PCDHA11: variants seen among roughly 807,000 people sequenced by gnomAD.
PCDHA11 encodes protocadherin alpha 11.
A neutral mutation model predicts 70.3 loss-of-function variants in PCDHA11; 61 were observed. The ratio of observed to expected loss-of-function variants is 0.87; its 90% CI spans 0.71 to 1.07. The LOEUF (loss-of-function observed/expected upper bound fraction) is 1.07, where lower values mean the gene tolerates loss of function less well. PCDHA11 is among the 50% of genes least tolerant of loss of function. The pLI is 0.00. For synonymous variants in PCDHA11, 633 were observed against 555.1 expected (o/e 1.14, Z -1.97); for missense variants, 1,324 against 1,237.5 (o/e 1.07, Z -1.05).
chr5:140,891,970 C>G (rs1554185021), intron 1 of PCDHA11, among the ~76,000 whole-genome samples: 1 of 152,170 alleles, frequency 6.6e-6, no homozygotes, highest in East Asian at 1.9e-4. Flanking sequence ...AGTAAATTTC[C>G]GTTCTCATAA....
intron 1 of PCDHA11, among the ~76,000 whole-genome samples, chr5:140,974,825 A>G (rs2096642596): frequency 6.6e-6 from 1 of 152,198 alleles, no homozygotes; most frequent in Admixed American, 6.5e-5. Flanking sequence ...ATGCAACATA[A>G]TGATTATTTT....
At chr5:140,972,909 G>T (rs999939821) in intron 1 of PCDHA11, among the ~76,000 whole-genome samples, 18 of 151,942 alleles carry the variant, frequency 1.2e-4, no homozygotes, top group African/African-American at 4.4e-4. Flanking sequence ...TGATCCACCC[G>T]CCTTGGCCTC....
intron 1 of PCDHA11, chr5:140,926,299 C>G (rs547710989): frequency 3.9e-5 from 6 of 152,464 alleles, no homozygotes; most frequent in Admixed American, 3.9e-4. Context: ...GAGTCCCGCC[C>G]TCTCCGCCGG....
At chr5:140,876,607 T>G (rs1480667665) in intron 1 of PCDHA11, 7 of 1,614,068 alleles carry the variant, frequency 4.3e-6, no homozygotes, top group Non-Finnish European at 5.9e-6. Flanking sequence ...GGATCGTGAC[T>G]CTGGAGCCAA....
chr5:140,923,461 A>G (rs530510417), intron 1 of PCDHA11, among the ~76,000 whole-genome samples: 97 of 152,204 alleles, frequency 6.4e-4, no homozygotes, highest in African/African-American at 2.2e-3. Context: ...CCAGAGAGGT[A>G]GGGGCTGCAG....
At chr5:140,941,760 T>A (rs1343959883) in intron 1 of PCDHA11, among the ~76,000 whole-genome samples, 2 of 152,234 alleles carry the variant, frequency 1.3e-5, no homozygotes, top group Non-Finnish European at 1.5e-5. Flanking sequence ...TCAGTGCTTT[T>A]AAGATAATTG....
At chr5:140,872,005 G>A (rs961415529) in intron 1 of PCDHA11, among the ~76,000 whole-genome samples, 3 of 152,200 alleles carry the variant, frequency 2.0e-5, no homozygotes, top group Admixed American at 1.3e-4. Context: ...CTATTTACAG[G>A]TGACCTGTAG....
At chr5:140,880,812 G>C (rs782505360) in intron 1 of PCDHA11, among the ~76,000 whole-genome samples, 2 of 152,200 alleles carry the variant, frequency 1.3e-5, no homozygotes, top group Non-Finnish European at 2.9e-5. Flanking sequence ...AATGACTCTA[G>C]AGTGTCTGGA....
At chr5:140,945,034 C>T (rs1218648203) in intron 1 of PCDHA11, among the ~76,000 whole-genome samples, 1 of 152,066 alleles carries the variant, frequency 6.6e-6, no homozygotes, top group East Asian at 1.9e-4. Flanking sequence ...ACATAATTAT[C>T]TTTGGTCTTA....
rs782295059 is a variant in PCDHA11 at position 140,883,240 on chromosome 5, C to A, written c.2391+11746C>A. The A allele has an allele frequency of 3.7e-6, 6 of 1,613,998 alleles. No homozygotes were observed. The Admixed American group carries it at 1.0e-4, about 27-fold the overall frequency. ...ATGAAATATCCGTGGAGGCAGTTGA[C>A]AAAGGAAATATTCCAATGGCGGGTC... On this transcript the variant is annotated intron_variant, in intron 1 of 3. Coordinates refer to ENST00000398640, the MANE Select transcript of PCDHA11 (RefSeq NM_018902.5).
At chr5:140,888,426 C>G (rs1315110358) in intron 1 of PCDHA11, among the ~76,000 whole-genome samples, 1 of 152,168 alleles carries the variant, frequency 6.6e-6, no homozygotes, top group Non-Finnish European at 1.5e-5. Flanking sequence ...CTACCGTGCA[C>G]AGGACAGCCG....
intron 1 of PCDHA11, chr5:140,968,059 G>A (rs1554230273): frequency 6.2e-7 from 1 of 1,614,106 alleles, no homozygotes; most frequent in South Asian, 1.1e-5. Context: ...ACCGAGAGCG[G>A]GTGGCTGTCT....
chr5:140,994,263 C>G (rs1329526022), intron 3 of PCDHA11, among the ~76,000 whole-genome samples: 1 of 152,160 alleles, frequency 6.6e-6, no homozygotes, highest in African/African-American at 2.4e-5. Flanking sequence ...ATAAGGTAAG[C>G]TAGGCTGCCT....
At chr5:140,882,424 G>C in intron 1 of PCDHA11, 1 of 1,614,114 alleles carries the variant, frequency 6.2e-7, no homozygotes, top group Non-Finnish European at 8.5e-7. Context: ...CTCAGGACCT[G>C]GGGCTGGAGC....
intron 1 of PCDHA11, among the ~76,000 whole-genome samples, chr5:140,901,586 T>C (rs550614771): frequency 9.2e-5 from 14 of 152,348 alleles, no homozygotes; most frequent in African/African-American, 3.4e-4. Context: ...AGTGCCATGA[T>C]GTTTTGGTTA....
chr5:140,934,915 A>G (rs1324840546), intron 1 of PCDHA11, among the ~76,000 whole-genome samples: 3 of 152,132 alleles, frequency 2.0e-5, no homozygotes, highest in Non-Finnish European at 4.4e-5. Context: ...ATAATTATGG[A>G]TTCACATAAA....
chr5:140,926,683 C>A, intron 1 of PCDHA11: 3 of 669,314 alleles, frequency 4.5e-6, no homozygotes, highest in Non-Finnish European at 6.7e-6. Context: ...AGCCTCCAGC[C>A]TAGCAAGCCC....
chr5:140,883,449 C>G lies in PCDHA11; in HGVS notation c.2391+11955C>G, dbSNP rs782030208. The G allele has an allele frequency of 6.8e-6, 11 of 1,614,058 alleles. No homozygotes were observed. The Admixed American group carries it at 1.8e-4, about 27-fold the overall frequency. On this transcript the variant is annotated intron_variant, in intron 1 of 3. Coordinates refer to ENST00000398640, the MANE Select transcript of PCDHA11 (RefSeq NM_018902.5). Reference sequence around the variant, plus strand: ...ACCTGCACCTTGACGCCGCATGTCCCCTTCAAGCTGGTGTCCACCTACAAG... The same window carrying G: ...ACCTGCACCTTGACGCCGCATGTCCGCTTCAAGCTGGTGTCCACCTACAAG...
At chr5:140,987,022 T>C (rs1218338191) in intron 3 of PCDHA11, among the ~76,000 whole-genome samples, 1 of 152,068 alleles carries the variant, frequency 6.6e-6, no homozygotes, top group African/African-American at 2.4e-5. Flanking sequence ...GAGACCAGCC[T>C]GGTCAACATG....
Sources: allele counts gnomAD v4.1 joint callset (sites outside exome capture counted in the v4.1 genomes callset), GRCh38; gene constraint gnomAD v4.1.1; transcripts MANE v1.5; gene names NCBI Gene and HGNC (gene_info 2026-07-23, HGNC 2026-07-21).